Variants in ACCSL observed in about 807,000 individuals in gnomAD.
ACCSL encodes the protein 1-aminocyclopropane-1-carboxylate synthase homolog (inactive) like.
ACCSL carries 55 observed loss-of-function variants against 61.7 expected under a neutral mutation model. The observed-to-expected ratio is 0.89, with a 90% CI of 0.72 to 1.12. The LOEUF (loss-of-function observed/expected upper bound fraction) is 1.12, where lower values mean the gene tolerates loss of function less well. Among genes scored for constraint, ACCSL ranks in the 50% most tolerant of loss-of-function variants. The pLI is 0.00. For synonymous variants in ACCSL, 258 were observed against 264.3 expected (o/e 0.98, Z 0.23); for missense variants, 632 against 698.0 (o/e 0.91, Z 1.07).
At chr11:44,029,759 G>T in the ACCSL span, among the ~76,000 whole-genome samples, 25 of 152,178 alleles carry the variant, frequency 1.6e-4, no homozygotes, top group African/African-American at 5.5e-4. Context: ...TTGCCTGATT[G>T]CTTGGTGAGT....
chr11:44,042,646 G>T, the ACCSL span, among the ~76,000 whole-genome samples: 118,166 of 147,414 alleles, frequency 0.8, 46,480 homozygotes, highest in Middle Eastern at 0.83. Flanking sequence ...TGTTTGTTTT[G>T]TTTGTTTTTT....
the ACCSL span, among the ~76,000 whole-genome samples, chr11:44,024,603 TGGC>T: frequency 6.6e-6 from 1 of 152,062 alleles, no homozygotes; most frequent in Admixed American, 6.6e-5. Context: ...TTTTATGGGC[TGGC>T]ATATGGTCTA....
At chr11:43,933,620 G>A in the ACCSL span, among the ~76,000 whole-genome samples, 3 of 152,224 alleles carry the variant, frequency 2.0e-5, no homozygotes, top group South Asian at 6.2e-4. Flanking sequence ...ACTCAGGCCT[G>A]CAAGAAAGCA....
At chr11:43,926,513 G>A in the ACCSL span, 1 of 456,070 alleles carries the variant, frequency 2.2e-6, no homozygotes, top group East Asian at 7.0e-5. Context: ...TTCAAGACCA[G>A]GGCTTTTATA....
At chr11:43,998,348 C>T in the ACCSL span, among the ~76,000 whole-genome samples, 1 of 152,168 alleles carries the variant, frequency 6.6e-6, no homozygotes, top group Non-Finnish European at 1.5e-5. Flanking sequence ...TTCTTCATCC[C>T]CTTTCTTTTC....
chr11:43,996,657 G>T, the ACCSL span, among the ~76,000 whole-genome samples: 1 of 152,074 alleles, frequency 6.6e-6, no homozygotes, highest in Non-Finnish European at 1.5e-5. Context: ...TGGGGCTGCA[G>T]GTTCTCTCTC....
At chr11:43,931,882 G>A in the ACCSL span, among the ~76,000 whole-genome samples, 1 of 152,230 alleles carries the variant, frequency 6.6e-6, no homozygotes, top group Non-Finnish European at 1.5e-5. Flanking sequence ...TGCACCAGGA[G>A]TAATCCCATC....
At chr11:43,926,660 G>T in the ACCSL span, 1 of 308,992 alleles carries the variant, frequency 3.2e-6, no homozygotes, top group Non-Finnish European at 6.4e-6. Flanking sequence ...TACAAAAGAG[G>T]TTTGTGTTCT....
At position 44,058,733 on chromosome 11, in the gene ACCSL, C is replaced by T. The variant is rs371205783; in HGVS notation, c.1624+34C>T. The T allele has an allele frequency of 5.6e-5, 88 of 1,582,528 alleles. No homozygotes were observed. In the Middle Eastern group the frequency reaches 1.0e-3, roughly 18 times the overall value. On this transcript the variant is annotated intron_variant, in intron 13 of 13. Transcript: ENST00000378832. ...AGCTGACCTCCCAATCCTTTAAAGA[C>T]GCCCCATCAATTTAATATGTCAATC...
chr11:43,954,436 G>A, the ACCSL span, among the ~76,000 whole-genome samples: 1 of 152,128 alleles, frequency 6.6e-6, no homozygotes, highest in African/African-American at 2.4e-5. Flanking sequence ...AGGAGGCGGT[G>A]TCTGATTTAT....
chr11:44,019,242 G>T, the ACCSL span, among the ~76,000 whole-genome samples: 1 of 152,200 alleles, frequency 6.6e-6, no homozygotes, highest in African/African-American at 2.4e-5. Context: ...ATGAACATAT[G>T]TGTACAAGTG....
intron 4 of ACCSL, 102 bp downstream of exon 4, chr11:44,051,506 C>A: frequency 6.4e-7 from 1 of 1,551,324 alleles, no homozygotes; most frequent in East Asian, 2.2e-5. Context: ...AGTGAAGACT[C>A]TCAGGGCCAG....
chr11:44,014,294 G>C, the ACCSL span, among the ~76,000 whole-genome samples: 1 of 152,164 alleles, frequency 6.6e-6, no homozygotes, highest in Non-Finnish European at 1.5e-5. Flanking sequence ...CTGCGGGCAG[G>C]GGCTGCTGTC....
At chr11:43,940,157 C>T in the ACCSL span, among the ~76,000 whole-genome samples, 3 of 151,822 alleles carry the variant, frequency 2.0e-5, no homozygotes, top group Non-Finnish European at 4.4e-5. Flanking sequence ...ATTATTATTA[C>T]TGTATAGAGA....
chr11:44,035,936 T>TAAAAAAAAAAAAAAAAAAA, the ACCSL span, among the ~76,000 whole-genome samples: 1 of 79,054 alleles, frequency 1.3e-5, no homozygotes, highest in East Asian at 3.5e-4. Flanking sequence ...AGACTCTGTG[T>TAAAAAAAAAAAAAAAAAAA]AAAAAAAAAA....
At chr11:44,003,541 G>C in the ACCSL span, among the ~76,000 whole-genome samples, 7 of 151,908 alleles carry the variant, frequency 4.6e-5, no homozygotes, top group East Asian at 1.4e-3. Context: ...TAATCGGGAG[G>C]CTGAGGCAGG....
chr11:44,029,827 G>T, the ACCSL span, among the ~76,000 whole-genome samples: 1 of 151,928 alleles, frequency 6.6e-6, no homozygotes, highest in Non-Finnish European at 1.5e-5. Flanking sequence ...TTAGGATAAA[G>T]AAGAATGGAA....
chr11:44,007,495 A>G, the ACCSL span, among the ~76,000 whole-genome samples: 3 of 152,196 alleles, frequency 2.0e-5, no homozygotes, highest in South Asian at 2.1e-4. Flanking sequence ...CTGTGCAGTG[A>G]TGAACCACCT....
At chr11:43,952,787 C>T in the ACCSL span, among the ~76,000 whole-genome samples, 4 of 152,252 alleles carry the variant, frequency 2.6e-5, no homozygotes, top group East Asian at 5.8e-4. Context: ...GTTTTGTTTG[C>T]GGCCTGTCCT....
Sources: gnomAD v4.1 joint callset for allele counts (sites outside exome capture counted in the v4.1 genomes callset) on GRCh38, gnomAD v4.1.1 for gene constraint, MANE v1.5 for transcripts, NCBI Gene and HGNC (gene_info 2026-07-23, HGNC 2026-07-21) for gene names.